The following RIMS1 variants were observed in gnomAD, a reference collection of about 807,000 sequenced individuals.
The protein encoded by RIMS1 is regulating synaptic membrane exocytosis protein 1.
RIMS1 carries 83 observed loss-of-function variants against 214.1 expected under a neutral mutation model. The observed-to-expected ratio is 0.39, with a 90% CI of 0.32 to 0.47. RIMS1 has a LOEUF of 0.47. Among genes scored for constraint, RIMS1 ranks in the 20% least tolerant of loss-of-function variants. RIMS1 has a pLI of 0.99. For synonymous variants in RIMS1, 793 were observed against 786.8 expected, an observed-to-expected ratio of 1.01 and a Z score of -0.13; for missense variants, 2,050 against 2,161.8, an observed-to-expected ratio of 0.95 and a Z score of 1.03.
At chr6:72,072,715 C>A (rs1048757716) in intron 2 of RIMS1, among the ~76,000 whole-genome samples, 1 of 152,146 alleles carries the variant, frequency 6.6e-6, no homozygotes, top group Non-Finnish European at 1.5e-5. Flanking sequence ...CAGCTCCCAG[C>A]CCAGTAAAAT....
intron 6 of RIMS1, among the ~76,000 whole-genome samples, chr6:72,233,523 C>G (rs1402347352): frequency 2.1e-5 from 3 of 145,766 alleles, no homozygotes. Flanking sequence ...TTTTTCTGTA[C>G]ATTTATATGT....
chr6:72,333,814 A>G lies in RIMS1; in HGVS notation c.4345A>G (p.Thr1449Ala), dbSNP rs1470631082. 6.3e-7 allele frequency: 1 copy of G among 1,586,036 alleles called. No homozygotes were observed. Among genetic ancestry groups the G allele is most frequent in the East Asian group, 2.3e-5 (1 of 43,486 alleles). The change falls in exon 29 of 34, where the codon ACA (threonine) becomes GCA (alanine). Residue 1449 changes from threonine (T) to alanine (A), a missense_variant. Physicochemically the swap from Thr to Ala is moderately conservative, Grantham distance 58. This residue lies in a region of RIMS1 where 889 missense variants were observed against 885.5 expected (regional missense o/e 1.00). Coordinates refer to ENST00000521978, the MANE Select transcript of RIMS1 (RefSeq NM_014989.7). ...CATAGTGTCTCGAAGGAGTAGAAGC[A>G]CATCCCAGCTTAGTCAAACAGGTGA... Reference protein sequence around the residue: ...VAIVSRRSRSTSQLSQTESGH... With the variant: ...VAIVSRRSRSASQLSQTESGH...
intron 1 of RIMS1, among the ~76,000 whole-genome samples, chr6:71,908,256 C>T (rs756701011): frequency 2.6e-5 from 4 of 152,122 alleles, no homozygotes; most frequent in Non-Finnish European, 5.9e-5. Context: ...CTTCTCATTA[C>T]AGGAGACAGA....
intron 4 of RIMS1, among the ~76,000 whole-genome samples, chr6:72,161,534 A>G (rs2045411002): frequency 7.1e-6 from 1 of 139,958 alleles, no homozygotes; most frequent in Non-Finnish European, 1.6e-5. Flanking sequence ...TAGTGCTATA[A>G]ATTTCCCTCT....
At chr6:72,242,464 A>C in intron 10 of RIMS1, 27 bp downstream of exon 10, 1 of 1,489,816 alleles carries the variant, frequency 6.7e-7, no homozygotes, top group Non-Finnish European at 9.1e-7. Flanking sequence ...TTACTTCTTA[A>C]GTTTAGTAAA....
At chr6:71,952,562 G>C (rs1358404661) in intron 1 of RIMS1, among the ~76,000 whole-genome samples, 1 of 152,188 alleles carries the variant, frequency 6.6e-6, no homozygotes, top group Non-Finnish European at 1.5e-5. Context: ...TCCCCTCAGA[G>C]AGCAGCCCTA....
chr6:71,957,518 A>G (rs948025280), intron 1 of RIMS1, among the ~76,000 whole-genome samples: 1 of 151,336 alleles, frequency 6.6e-6, no homozygotes, highest in Middle Eastern at 3.4e-3. Context: ...CTTTGACAAA[A>G]GTGGTGACAA....
At chr6:72,251,444 GTT>G in intron 15 of RIMS1, 76 bp downstream of exon 15, 1 of 1,171,818 alleles carries the variant, frequency 8.5e-7, no homozygotes, top group African/African-American at 1.6e-5. Flanking sequence ...AATTCAAGAT[GTT>G]TTTTTTAAAT....
At position 72,397,229 on chromosome 6, in the gene RIMS1, C is replaced by T. The variant is rs2098789921; in HGVS notation, c.4619-1020C>T. Among the ~76,000 whole-genome samples, 4 of 152,064 alleles carry T rather than the reference C, an allele frequency of 2.6e-5. No individual in the cohort carries two copies. The South Asian group carries it at 8.3e-4, about 32-fold the overall frequency. On this transcript the variant is annotated intron_variant, in intron 31 of 33. Coordinates refer to ENST00000521978, the MANE Select transcript of RIMS1 (RefSeq NM_014989.7). Reference sequence around the variant, plus strand: ...ACAGATGAGTTCTAATAAATATGAACTCAAGAGACATGAAAATTATGAAAC... The same window carrying T: ...ACAGATGAGTTCTAATAAATATGAATTCAAGAGACATGAAAATTATGAAAC...
intron 16 of RIMS1, among the ~76,000 whole-genome samples, chr6:72,255,511 G>A (rs4621605): frequency 0.7 from 106,784 of 152,088 alleles, 38,370 homozygotes; most frequent in East Asian, 0.98. Context: ...TTAGGGAAAT[G>A]TAGCAGGTTT....
chr6:71,985,533 A>G (rs1799687323), intron 2 of RIMS1, among the ~76,000 whole-genome samples: 1 of 152,210 alleles, frequency 6.6e-6, no homozygotes, highest in South Asian at 2.1e-4. Flanking sequence ...TCATGATGGA[A>G]ATACTGCACT....
At chr6:72,153,290 C>G (rs1194000068) in intron 4 of RIMS1, among the ~76,000 whole-genome samples, 2 of 151,118 alleles carry the variant, frequency 1.3e-5, no homozygotes, top group African/African-American at 2.4e-5. Context: ...TTTTTTTCAT[C>G]TTCAAATTCT....
chr6:72,367,004 G>A (rs1206970295), intron 29 of RIMS1: 3 of 247,576 alleles, frequency 1.2e-5, no homozygotes, highest in African/African-American at 2.3e-5. Context: ...GTTTTCAAAG[G>A]TAGTGTTATA....
At chr6:72,291,013 T>C (rs928221803) in intron 25 of RIMS1, among the ~76,000 whole-genome samples, 152 bp downstream of exon 25, 1 of 152,204 alleles carries the variant, frequency 6.6e-6, no homozygotes, top group African/African-American at 2.4e-5. Flanking sequence ...TCACATCCTC[T>C]ATTACTTGCA....
intron 4 of RIMS1, among the ~76,000 whole-genome samples, chr6:72,111,826 T>C (rs558791938): frequency 6.6e-6 from 1 of 152,210 alleles, no homozygotes; most frequent in African/African-American, 2.4e-5. Flanking sequence ...GCGTCCTCAG[T>C]AGTGTTCAGG....
chr6:72,175,358 A>G (rs1277376211), intron 4 of RIMS1: 1 of 424,640 alleles, frequency 2.4e-6, no homozygotes, highest in Non-Finnish European at 4.7e-6. Context: ...GGATTCTTAT[A>G]AGGAAGACAT....
chr6:72,018,366 C>T (rs533662594), intron 2 of RIMS1, among the ~76,000 whole-genome samples: 87 of 151,918 alleles, frequency 5.7e-4, no homozygotes, highest in Middle Eastern at 3.4e-3. Context: ...GAGATGGGGA[C>T]GACTTTTAAA....
At chr6:72,390,131 C>A (rs1000960027) in intron 29 of RIMS1, among the ~76,000 whole-genome samples, 1 of 152,150 alleles carries the variant, frequency 6.6e-6, no homozygotes, top group African/African-American at 2.4e-5. Context: ...ATTGCTGATA[C>A]GTGACAGTAA....
chr6:71,995,651 T>A (rs1244124994), intron 2 of RIMS1, among the ~76,000 whole-genome samples: 1 of 152,130 alleles, frequency 6.6e-6, no homozygotes, highest in Non-Finnish European at 1.5e-5. Flanking sequence ...AAGTCCAACA[T>A]CAGTTTCTTC....
Sources: gnomAD v4.1 joint callset for allele counts (sites outside exome capture counted in the v4.1 genomes callset) on GRCh38, gnomAD v4.1.1 for gene constraint, gnomAD v4.1.1 regional missense constraint, MANE v1.5 for transcripts, NCBI Gene and HGNC (gene_info 2026-07-23, HGNC 2026-07-21) for gene names.